The following ARB2A variants were observed in gnomAD, a reference collection of about 807,000 sequenced individuals.
ARB2A encodes the protein ARB2 cotranscriptional regulator A, also known as cotranscriptional regulator ARB2A.
At chr5:93,826,695 T>G in the ARB2A span, among the ~76,000 whole-genome samples, 4 of 151,800 alleles carry the variant, frequency 2.6e-5, no homozygotes, top group Non-Finnish European at 5.9e-5. Context: ...GCTGCACTCA[T>G]TAACTCGTCA....
the ARB2A span, among the ~76,000 whole-genome samples, chr5:93,951,040 CAT>C: frequency 2.0e-5 from 3 of 151,714 alleles, no homozygotes; most frequent in Admixed American, 6.6e-5. Context: ...AGTGAGATGA[CAT>C]GTCATTGTAG....
the ARB2A span, among the ~76,000 whole-genome samples, chr5:93,809,570 T>TA: frequency 6.6e-6 from 1 of 152,048 alleles, no homozygotes. Context: ...CTCAAAGCTT[T>TA]AAAAAAACTT....
At chr5:93,958,746 C>CA in the ARB2A span, 125,551 of 873,734 alleles carry the variant, frequency 0.14, 69 homozygotes, top group Non-Finnish European at 0.15. Context: ...TATAAAATGC[C>CA]AAAAAAAAAA....
chr5:93,804,036 T>C, the ARB2A span, among the ~76,000 whole-genome samples: 4 of 151,994 alleles, frequency 2.6e-5, no homozygotes, highest in Non-Finnish European at 5.9e-5. Context: ...AGCATGAACA[T>C]ACCCATAAAT....
the ARB2A span, among the ~76,000 whole-genome samples, chr5:93,933,467 C>G: frequency 1.3e-5 from 2 of 152,056 alleles, no homozygotes; most frequent in Non-Finnish European, 2.9e-5. Context: ...GAGTACTATG[C>G]AGCCATAAAA....
the ARB2A span, among the ~76,000 whole-genome samples, chr5:93,712,847 TA>T: frequency 6.6e-6 from 1 of 152,022 alleles, no homozygotes; most frequent in Non-Finnish European, 1.5e-5. Flanking sequence ...GGTACTGGCA[TA>T]AAAACAGACA....
At chr5:93,653,235 A>G in the ARB2A span, among the ~76,000 whole-genome samples, 1 of 152,012 alleles carries the variant, frequency 6.6e-6, no homozygotes, top group African/African-American at 2.4e-5. Context: ...ATAAAAAGAC[A>G]TTAATTCTTC....
At chr5:93,989,642 C>T in the ARB2A span, among the ~76,000 whole-genome samples, 1 of 152,250 alleles carries the variant, frequency 6.6e-6, no homozygotes, top group Admixed American at 6.5e-5. Flanking sequence ...GTGATGCACA[C>T]TATTAAGAGC....
At chr5:93,733,820 C>G in the ARB2A span, 1 of 152,158 alleles carries the variant, frequency 6.6e-6, no homozygotes, top group East Asian at 1.9e-4. Context: ...GTAGTTTTCA[C>G]TTTAAAAACA....
At chr5:93,838,134 T>C in the ARB2A span, among the ~76,000 whole-genome samples, 4 of 152,164 alleles carry the variant, frequency 2.6e-5, no homozygotes, top group Non-Finnish European at 5.9e-5. Flanking sequence ...TTTTTATAGT[T>C]TTAAGTTTTA....
At chr5:93,888,075 G>T in the ARB2A span, among the ~76,000 whole-genome samples, 1 of 151,786 alleles carries the variant, frequency 6.6e-6, no homozygotes. Context: ...CATGTGCTTT[G>T]CACTTACCCA....
chr5:93,740,657 G>T, the ARB2A span: 1 of 1,613,784 alleles, frequency 6.2e-7, no homozygotes, highest in South Asian at 1.1e-5. Context: ...GTATAGTGGG[G>T]GATATCCACT....
chr5:94,003,584 T>C, the ARB2A span, among the ~76,000 whole-genome samples: 2 of 152,054 alleles, frequency 1.3e-5, no homozygotes, highest in African/African-American at 2.4e-5. Context: ...TAAAACACAC[T>C]GAATTTTAAA....
chr5:93,619,955 G>T, the ARB2A span: 1 of 152,106 alleles, frequency 6.6e-6, no homozygotes. Context: ...GAGCACAAAG[G>T]TTTCGTTTCC....
At chr5:93,765,060 TA>T in the ARB2A span, among the ~76,000 whole-genome samples, 1 of 152,158 alleles carries the variant, frequency 6.6e-6, no homozygotes, top group African/African-American at 2.4e-5. Flanking sequence ...TAATAAGAGC[TA>T]TATATGACAA....
the ARB2A span, among the ~76,000 whole-genome samples, chr5:93,966,203 C>T: frequency 6.6e-6 from 1 of 151,976 alleles, no homozygotes; most frequent in Non-Finnish European, 1.5e-5. Context: ...TTTAACATTT[C>T]TGAAAATATC....
At chr5:93,882,138 T>G in the ARB2A span, among the ~76,000 whole-genome samples, 1 of 151,426 alleles carries the variant, frequency 6.6e-6, no homozygotes, top group African/African-American at 2.4e-5. Context: ...AATGGCCCTT[T>G]CAAGAGCATT....
At chr5:93,779,059 G>A in the ARB2A span, among the ~76,000 whole-genome samples, 1 of 150,830 alleles carries the variant, frequency 6.6e-6, no homozygotes, top group Non-Finnish European at 1.5e-5. Context: ...TACCTGTGCA[G>A]AACTATACAG....
chr5:94,030,732 G>A, the ARB2A span, among the ~76,000 whole-genome samples: 1 of 152,186 alleles, frequency 6.6e-6, no homozygotes, highest in Admixed American at 6.5e-5. Context: ...CCTTTAAGAG[G>A]AGATTAGGTC....
Sources: allele counts gnomAD v4.1 joint callset (sites outside exome capture counted in the v4.1 genomes callset), GRCh38; gene constraint gnomAD v4.1.1; transcripts MANE v1.5; gene names NCBI Gene and HGNC (gene_info 2026-07-23, HGNC 2026-07-21).